Variants in FOXJ3 observed in about 807,000 individuals in gnomAD.
FOXJ3 encodes forkhead box J3, also known as forkhead box protein J3.
Under a neutral mutation model 76.1 loss-of-function variants are expected in FOXJ3, and 22 were observed. The ratio of observed to expected loss-of-function variants is 0.29; its 90% CI spans 0.21 to 0.41. The LOEUF is 0.41. Among genes scored for constraint, FOXJ3 ranks in the 10% least tolerant of loss-of-function variants. The probability of loss-of-function intolerance (pLI) is 1.00; values close to 1 mark genes in which losing one functional copy is unlikely to be tolerated. For missense variants in FOXJ3, 613 were observed against 762.1 expected, an observed-to-expected ratio of 0.80 and a Z score of 2.30; for synonymous variants, 269 against 261.2, an observed-to-expected ratio of 1.03 and a Z score of -0.29.
chr1:42,299,918 T>C (rs1394630617), intron 2 of FOXJ3, among the ~76,000 whole-genome samples: 2 of 151,266 alleles, frequency 1.3e-5, no homozygotes, highest in Non-Finnish European at 2.9e-5. Flanking sequence ...AAAATATATA[T>C]ATAGGACAGG....
intron 4 of FOXJ3, among the ~76,000 whole-genome samples, chr1:42,239,970 T>C (rs1313582873): frequency 1.3e-5 from 2 of 152,216 alleles, no homozygotes; most frequent in African/African-American, 4.8e-5. Flanking sequence ...AAAGTTGTAG[T>C]AGATGATTTT....
rs140013421 is a variant in FOXJ3 at position 42,256,550 on chromosome 1, T to C, written c.444+8565A>G. Among the ~76,000 whole-genome samples, 353 of 151,928 alleles carry C rather than the reference T, an allele frequency of 2.3e-3. 1 individual carries two copies. Among genetic ancestry groups the C allele is most frequent in the African/African-American group, 8.1e-3 (334 of 41,434 alleles). On this transcript the variant is annotated intron_variant, in intron 4 of 12. Coordinates refer to ENST00000361346, the MANE Select transcript of FOXJ3 (RefSeq NM_014947.5). ...TACCACTTCACACCTTCACACCCAG[T>C]AGAATGGCTACAGTTAAAAAGACAG...
intron 2 of FOXJ3, among the ~76,000 whole-genome samples, chr1:42,301,390 G>C (rs1450981866): frequency 6.6e-6 from 1 of 151,646 alleles, no homozygotes; most frequent in East Asian, 1.9e-4. Flanking sequence ...TAGTAGAGAT[G>C]GGGTTTTCAC....
At chr1:42,267,216 C>G (rs1651531726) in intron 3 of FOXJ3, among the ~76,000 whole-genome samples, 1 of 152,082 alleles carries the variant, frequency 6.6e-6, no homozygotes, top group African/African-American at 2.4e-5. Context: ...CTACCAAAAG[C>G]ATACCACTGA....
intron 7 of FOXJ3, among the ~76,000 whole-genome samples, chr1:42,198,637 G>A (rs970581262): frequency 5.3e-5 from 8 of 152,130 alleles, no homozygotes; most frequent in Admixed American, 2.0e-4. Context: ...TTTTCCCCCC[G>A]TGGATCCAAA....
chr1:42,308,536 T>G (rs1417401473), intron 2 of FOXJ3, among the ~76,000 whole-genome samples: 1 of 152,086 alleles, frequency 6.6e-6, no homozygotes, highest in Admixed American at 6.6e-5. Flanking sequence ...CACAGAATAT[T>G]AGAGAAATGA....
At chr1:42,200,005 C>CAAAAAAAAA (rs11355641) in intron 6 of FOXJ3, among the ~76,000 whole-genome samples, 2 of 76,074 alleles carry the variant, frequency 2.6e-5, no homozygotes, top group Non-Finnish European at 4.7e-5. Context: ...GACTCTGTCT[C>CAAAAAAAAA]AAAAAAAAAA....
At chr1:42,292,224 T>C (rs1653483197) in intron 2 of FOXJ3, among the ~76,000 whole-genome samples, 1 of 152,202 alleles carries the variant, frequency 6.6e-6, no homozygotes. Context: ...AAAGGCTAAT[T>C]GAAAGACTGA....
intron 4 of FOXJ3, among the ~76,000 whole-genome samples, chr1:42,238,348 C>T (rs1260757039): frequency 1.3e-5 from 2 of 152,174 alleles, no homozygotes; most frequent in African/African-American, 2.4e-5. Context: ...ACCATTTTAT[C>T]TTAATTATTG....
At chr1:42,208,557 C>T (rs343366) in intron 5 of FOXJ3, among the ~76,000 whole-genome samples, 115,706 of 152,088 alleles carry the variant, frequency 0.76, 44,068 homozygotes, top group Admixed American at 0.81. Context: ...ATAAAGGTCA[C>T]ATATAATAAG....
rs114089863 is a variant in FOXJ3, at chr1:42,241,430, A to G, written c.445-13464T>C. On this transcript the variant is annotated intron_variant, in intron 4 of 12. Coordinates refer to ENST00000361346, the MANE Select transcript of FOXJ3 (RefSeq NM_014947.5). ...CACCCCCACTTTGCCCACCAAAGCTAGTGCCCAAGTACACCTAAGGACAAG... is the reference window on the plus strand; with the variant it reads ...CACCCCCACTTTGCCCACCAAAGCTGGTGCCCAAGTACACCTAAGGACAAG... Among the ~76,000 whole-genome samples the G allele has an allele frequency of 4.7e-3, 708 of 152,252 alleles. 7 individuals carry two copies. Among genetic ancestry groups the G allele is most frequent in the African/African-American group, 0.016 (685 of 41,548 alleles).
intron 4 of FOXJ3, among the ~76,000 whole-genome samples, chr1:42,250,906 A>G (rs999157039): frequency 1.0e-5 from 1 of 95,258 alleles, no homozygotes; most frequent in African/African-American, 2.9e-5. Flanking sequence ...GAAACTAACA[A>G]ACCTGAAGAA....
intron 4 of FOXJ3, among the ~76,000 whole-genome samples, chr1:42,233,996 T>C (rs1648370299): frequency 6.6e-6 from 1 of 152,268 alleles, no homozygotes; most frequent in Non-Finnish European, 1.5e-5. Flanking sequence ...TGAGAGTTTT[T>C]AGCATGAATG....
intron 5 of FOXJ3, chr1:42,206,088 T>C: frequency 4.4e-6 from 2 of 456,578 alleles, no homozygotes; most frequent in South Asian, 4.0e-5. Flanking sequence ...CTTAATTTAC[T>C]GCAGGATAGG....
At chr1:42,289,690 C>G (rs888052537) in intron 2 of FOXJ3, among the ~76,000 whole-genome samples, 2 of 152,148 alleles carry the variant, frequency 1.3e-5, no homozygotes, top group South Asian at 4.1e-4. Flanking sequence ...TAAGTCTTCT[C>G]TGATACGCAA....
Position 42,176,552 on chromosome 1 carries a change from G to A in FOXJ3, c.*3158C>T, listed in dbSNP as rs1646218183. ...GAGACCAATCAGTGTTGTAAATAGA[G>A]TTAACATAATATATTTATTTTAAGT... On this transcript the variant is annotated 3_prime_UTR_variant, in exon 13 of 13. Transcript: ENST00000361346. 6.6e-6 allele frequency: 1 copy of A among 152,606 alleles called. No individual in the cohort carries two copies. The highest frequency in any genetic ancestry group is 2.4e-5 in the African/African-American group (1 of 41,428). 9.5% of individuals were successfully genotyped at this position (152,606 alleles called of 1,614,324 possible). A position where few individuals can be genotyped will look rare whatever the true frequency, so the allele number is the denominator to read the frequency against.
At chr1:42,284,680 C>T (rs1652938516) in intron 2 of FOXJ3, among the ~76,000 whole-genome samples, 1 of 152,208 alleles carries the variant, frequency 6.6e-6, no homozygotes, top group African/African-American at 2.4e-5. Context: ...AAGGTGTTGT[C>T]TTTCCACCCA....
At chr1:42,204,118 G>GATA (rs1646815573) in intron 6 of FOXJ3, among the ~76,000 whole-genome samples, 1 of 151,970 alleles carries the variant, frequency 6.6e-6, no homozygotes, top group Non-Finnish European at 1.5e-5. Flanking sequence ...ACTGCTCTAG[G>GATA]CTACTGCTCT....
At chr1:42,278,327 T>A (rs750993864) in intron 3 of FOXJ3, 21 bp downstream of exon 3, 1 of 1,481,920 alleles carries the variant, frequency 6.7e-7, no homozygotes, top group South Asian at 1.2e-5. Flanking sequence ...ATAAAAGTAA[T>A]AATTTAAATA....
Sources: gnomAD v4.1 joint callset for allele counts (sites outside exome capture counted in the v4.1 genomes callset) on GRCh38, gnomAD v4.1.1 for gene constraint, MANE v1.5 for transcripts, NCBI Gene and HGNC (gene_info 2026-07-23, HGNC 2026-07-21) for gene names.